Variants in LAMA4 observed in about 807,000 individuals in gnomAD.
LAMA4 encodes laminin subunit alpha-4.
LAMA4 carries 127 observed loss-of-function variants against 207.1 expected under a neutral mutation model. That is an observed-to-expected ratio of 0.61 (90% CI 0.53 to 0.71). The LOEUF is 0.71. LAMA4 is among the 30% of genes least tolerant of loss of function. The pLI is 0.00. For missense variants in LAMA4, 2,093 were observed against 2,246.5 expected (o/e 0.93, Z 1.38); for synonymous variants, 761 against 816.0 (o/e 0.93, Z 1.15).
rs781923773 is a variant in LAMA4, at chr6:112,148,182, A to G, written c.2328T>C (p.Thr776=). The part of the protein sequence containing the change: ...LQHFDSSAYN[T]AVNSARDAVR... Reference sequence around the variant, plus strand: ...CTGCATCCCTAGCAGAGTTCACTGCAGTGTTGTAAGCAGAAGAGTCAAAAT... The same window carrying G: ...CTGCATCCCTAGCAGAGTTCACTGCGGTGTTGTAAGCAGAAGAGTCAAAAT... The change falls in exon 18 of 39, where the codon ACT becomes ACC. Residue 776 remains threonine, a synonymous_variant. Transcript: ENST00000230538. 1 of 1,614,214 alleles carries G rather than the reference A, an allele frequency of 6.2e-7. No homozygotes were observed. Among genetic ancestry groups the G allele is most frequent in the South Asian group, 1.1e-5 (1 of 91,090 alleles).
Position 112,114,071 on chromosome 6 carries a change from C to A in LAMA4, c.5326+5G>T. ...GGGAACTTTTCCTTTTTAAACAACA[C>A]TTACCTGGAACACCTCCAACAAACA... On this transcript the variant is annotated splice_donor_5th_base_variant and intron_variant, in intron 38 of 38. Transcript: ENST00000230538. 1.2e-6 allele frequency: 2 copies of A among 1,613,830 alleles called. No individual in the cohort carries two copies. Among genetic ancestry groups the A allele is most frequent in the Non-Finnish European group, 1.7e-6 (2 of 1,179,772 alleles).
At chr6:112,129,674 T>C (rs1332472720) in intron 30 of LAMA4, among the ~76,000 whole-genome samples, 1 of 152,100 alleles carries the variant, frequency 6.6e-6, no homozygotes, top group African/African-American at 2.4e-5. Flanking sequence ...AAGGCTTACT[T>C]AGTCAAGGTC....
chr6:112,169,184 A>G (rs1434333733), intron 12 of LAMA4, among the ~76,000 whole-genome samples: 2 of 152,128 alleles, frequency 1.3e-5, no homozygotes, highest in East Asian at 3.9e-4. Context: ...AAGGGGAGAG[A>G]AGCTGGGACC....
chr6:112,163,895 C>T (rs1223943065), intron 13 of LAMA4: 1 of 152,154 alleles, frequency 6.6e-6, no homozygotes, highest in East Asian at 1.9e-4. Flanking sequence ...AGGAGTGAAA[C>T]CCTGCAACCT....
intron 18 of LAMA4, among the ~76,000 whole-genome samples, chr6:112,145,421 A>T (rs2114724602): frequency 6.6e-6 from 1 of 152,348 alleles, no homozygotes; most frequent in East Asian, 1.9e-4. Context: ...GTTGCCTTGA[A>T]GGTAGGCATG....
chr6:112,150,220 CACACACACACACACAG>C (rs782325761), intron 17 of LAMA4, among the ~76,000 whole-genome samples: 6 of 149,344 alleles, frequency 4.0e-5, no homozygotes, highest in African/African-American at 7.7e-5. Flanking sequence ...CACACACACA[CACACACACACACACAG>C]ACACACACAG....
At position 112,201,656 on chromosome 6, in the gene LAMA4, G is replaced by A. The variant is rs138802750; in HGVS notation, c.455C>T (p.Ala152Val). The change falls in exon 5 of 39, where the codon GCT becomes GTT. Residue 152 changes from alanine (A) to valine (V), a missense_variant. Transcript: ENST00000230538. ...FAESCYRKNG[A>V]VRCICNENYA... Reference sequence around the variant, plus strand: ...ATTTTCGTTACAAATGCACCGAACAGCTCCATTTTTCCTATAGCAGGATTC... The same window carrying A: ...ATTTTCGTTACAAATGCACCGAACAACTCCATTTTTCCTATAGCAGGATTC... 6.2e-7 allele frequency: 1 copy of A among 1,613,912 alleles called. No homozygotes were observed. The highest frequency in any genetic ancestry group is 1.1e-5 in the South Asian group (1 of 91,076).
chr6:112,140,692 G>C, intron 22 of LAMA4, 68 bp downstream of exon 22: 4 of 1,460,130 alleles, frequency 2.7e-6, no homozygotes, highest in Non-Finnish European at 3.8e-6. Context: ...AGTCATTATA[G>C]GTTTATGGAT....
chr6:112,219,348 G>A (rs1784802720), intron 2 of LAMA4: 1 of 152,164 alleles, frequency 6.6e-6, no homozygotes, highest in South Asian at 2.1e-4. Flanking sequence ...TCTTTTGGAA[G>A]AGTCTCCACA....
At position 112,120,421 on chromosome 6, in the gene LAMA4, G is replaced by A; in HGVS notation, c.4527C>T (p.Phe1509=). 6.2e-7 allele frequency: 1 copy of A among 1,613,928 alleles called. No individual in the cohort carries two copies. The highest frequency in any genetic ancestry group is 8.5e-7 in the Non-Finnish European group (1 of 1,179,844). ...LRTRSSHGMI[F]YVSDQEENDF... is the part of the protein sequence containing the mutation. The stretch of plus-strand genomic sequence containing the variant: ...CATTCTCTTCTTGATCTGAGACATA[G>A]AAGATCATGCCATGGGAGGAACGAG... The change falls in exon 33 of 39, where the codon TTC becomes TTT. Residue 1509 remains phenylalanine, a synonymous_variant. Coordinates refer to ENST00000230538, the MANE Select transcript of LAMA4 (RefSeq NM_001105206.3).
chr6:112,156,278 C>T (rs182531672), intron 14 of LAMA4, among the ~76,000 whole-genome samples: 5 of 152,242 alleles, frequency 3.3e-5, no homozygotes, highest in African/African-American at 1.2e-4. Context: ...CTTTGCCCCT[C>T]TCTGGCCTGT....
chr6:112,175,082 G>A (rs1252755504), intron 11 of LAMA4, among the ~76,000 whole-genome samples: 1 of 152,114 alleles, frequency 6.6e-6, no homozygotes, highest in Non-Finnish European at 1.5e-5. Flanking sequence ...GATTCCTTGT[G>A]GCATCTCAGT....
chr6:112,202,462 GTGTA>G (rs1783812681), intron 4 of LAMA4, among the ~76,000 whole-genome samples: 1 of 151,788 alleles, frequency 6.6e-6, no homozygotes, highest in Non-Finnish European at 1.5e-5. Context: ...GTGTGTGTGT[GTGTA>G]TGTAAAATTT....
chr6:112,217,077 T>G (rs2115063018), intron 2 of LAMA4, among the ~76,000 whole-genome samples: 1 of 152,356 alleles, frequency 6.6e-6, no homozygotes, highest in African/African-American at 2.4e-5. Flanking sequence ...GTATTTCATT[T>G]GTCTTCAGAA....
chr6:112,163,587 G>A (rs1297768899), intron 13 of LAMA4, among the ~76,000 whole-genome samples: 1 of 152,008 alleles, frequency 6.6e-6, no homozygotes, highest in African/African-American at 2.4e-5. Flanking sequence ...ACCTGGACAG[G>A]AACAGTCTCA....
At chr6:112,134,337 G>T (rs1483727373) in intron 26 of LAMA4, 130 bp downstream of exon 26, 6 of 835,452 alleles carry the variant, frequency 7.2e-6, no homozygotes, top group Non-Finnish European at 1.2e-5. Flanking sequence ...ACATGAATGT[G>T]TGTACCTGTG....
intron 9 of LAMA4, chr6:112,179,821 A>G (rs1256474654): frequency 2.2e-6 from 1 of 456,094 alleles, no homozygotes; most frequent in Non-Finnish European, 4.4e-6. Context: ...GTAGTCACAG[A>G]GCCCACTGTG....
chr6:112,169,019 A>G lies in LAMA4; in HGVS notation c.1551+3592T>C, dbSNP rs138256845. On this transcript the variant is annotated intron_variant, in intron 12 of 38. Coordinates refer to ENST00000230538, the MANE Select transcript of LAMA4 (RefSeq NM_001105206.3). ...AGAGGCAGAGTTTGTAGGAAAGTCA[A>G]GAAATTCACTGGAACAGTAGGTGGA... is the stretch of plus-strand genomic sequence containing the variant. Among the ~76,000 whole-genome samples the G allele has an allele frequency of 3.3e-5, 5 of 152,340 alleles. No homozygotes were observed. The South Asian group carries it at 8.3e-4, about 25-fold the overall frequency.
At chr6:112,190,951 T>TC (rs1783063898) in intron 6 of LAMA4, among the ~76,000 whole-genome samples, 15 of 88,004 alleles carry the variant, frequency 1.7e-4, no homozygotes, top group East Asian at 4.6e-4. Flanking sequence ...TTCTTTCCTT[T>TC]CTTTCTTTCT....
Sources: gnomAD v4.1 joint callset for allele counts (sites outside exome capture counted in the v4.1 genomes callset) on GRCh38, gnomAD v4.1.1 for gene constraint, MANE v1.5 for transcripts, NCBI Gene and HGNC (gene_info 2026-07-23, HGNC 2026-07-21) for gene names.